PLAC1: variants seen among roughly 807,000 people sequenced by gnomAD.
The protein encoded by PLAC1 is placenta associated 1.
For missense variants in PLAC1, 136 were observed against 163.2 expected, an observed-to-expected ratio of 0.83 and a Z score of 0.91; for synonymous variants, 68 against 62.1, an observed-to-expected ratio of 1.09 and a Z score of -0.44.
At chrX:134,660,551 A>G (rs1011277101), upstream of PLAC1, among the ~76,000 whole-genome samples, 3 of 112,513 alleles carry the variant, frequency 2.7e-5, no homozygotes, top group Non-Finnish European at 5.6e-5. Context: ...CAAACTAAAC[A>G]CAGTTGATGA....
chrX:134,657,244 A>G (rs1184345334), intron 1 of PLAC1, among the ~76,000 whole-genome samples: 2 of 112,521 alleles, frequency 1.8e-5, no homozygotes, highest in Non-Finnish European at 3.7e-5. Flanking sequence ...TGATGGGGCT[A>G]TGTCCCGATA....
chrX:134,630,509 C>T (rs1049779349), intron 1 of PLAC1, among the ~76,000 whole-genome samples: 2 of 111,664 alleles, frequency 1.8e-5, no homozygotes, highest in African/African-American at 6.5e-5. Context: ...GCTACTAGCC[C>T]TGCCAACACA....
intron 1 of PLAC1, among the ~76,000 whole-genome samples, chrX:134,657,784 A>C (rs1461662401): frequency 1.8e-5 from 2 of 110,867 alleles, no homozygotes; most frequent in Non-Finnish European, 3.8e-5. Context: ...TCTCTTTCTC[A>C]AAGAGTCTGA....
chrX:134,738,716 A>G (rs1185773637), intron 1 of PLAC1, among the ~76,000 whole-genome samples: 1 of 112,419 alleles, frequency 8.9e-6, no homozygotes, highest in Admixed American at 9.4e-5. Context: ...GGGCTCCACA[A>G]GTTATCTTCC....
chrX:134,633,052 C>A (rs774911816), intron 1 of PLAC1, among the ~76,000 whole-genome samples: 124 of 112,082 alleles, frequency 1.1e-3, no homozygotes, highest in African/African-American at 3.9e-3. Flanking sequence ...TTTGCTCTTG[C>A]CCCATGCTCT....
chrX:134,672,930 A>G (rs758542646), intron 2 of PLAC1, among the ~76,000 whole-genome samples: 1 of 112,521 alleles, frequency 8.9e-6, no homozygotes, highest in Non-Finnish European at 1.9e-5. Context: ...GGCAAACTCA[A>G]GACTTACTGA....
chrX:134,651,044 C>A, intron 1 of PLAC1: 1 of 258,694 alleles, frequency 3.9e-6, no homozygotes, highest in Non-Finnish European at 8.0e-6. Context: ...TGAAATCTTC[C>A]CAGAAAATCC....
At chrX:134,640,015 G>A (rs1207374022) in intron 1 of PLAC1, among the ~76,000 whole-genome samples, 1 of 111,715 alleles carries the variant, frequency 9.0e-6, no homozygotes, top group Non-Finnish European at 1.9e-5. Context: ...TTTGGCTATT[G>A]TGAGTAGTGC....
chrX:134,592,510 T>C (rs1307176899), intron 2 of PLAC1, among the ~76,000 whole-genome samples: 1 of 110,627 alleles, frequency 9.0e-6, no homozygotes, highest in Non-Finnish European at 1.9e-5. Flanking sequence ...ATCCAATCAG[T>C]TGAAGGCCTT....
At chrX:134,660,916 T>C (rs757730182), upstream of PLAC1, among the ~76,000 whole-genome samples, 1 of 111,711 alleles carries the variant, frequency 9.0e-6, no homozygotes, top group Admixed American at 9.5e-5. Flanking sequence ...AAGTTGTTTA[T>C]ATAAACCAAT....
In PLAC1 at chrX:134,645,798, G is replaced by A. The variant is rs531563185; in HGVS notation, c.-131+12530C>T. 2.1e-4 allele frequency among the ~76,000 whole-genome samples: 24 copies of A among 112,001 alleles called. 1 individual carries two copies. Among genetic ancestry groups the A allele is most frequent in the African/African-American group, 5.2e-4 (16 of 30,832 alleles). ...ATAATGCAAGCCTTCCCATTCAAGC[G>A]TGAGTTTTTAGGCCCAGGAAGGGAA... is the stretch of plus-strand genomic sequence containing the variant. On this transcript the variant is annotated intron_variant, in intron 1 of 2. Coordinates refer to ENST00000359237, the MANE Select transcript of PLAC1 (RefSeq NM_021796.4).
rs755131508 is a variant in PLAC1, at chrX:134,657,494, C to T, written c.-131+834G>A. Among the ~76,000 whole-genome samples, 113 of 112,295 alleles carry T rather than the reference C, an allele frequency of 1.0e-3. 4 individuals carry two copies. The highest frequency in any genetic ancestry group is 2.6e-4 in the Non-Finnish European group (14 of 53,305). On this transcript the variant is annotated intron_variant, in intron 1 of 2. Transcript: ENST00000359237. ...ACTTGAACCCAAGTTTGTTTAAATA[C>T]AGAGCCCATATTTGTTCCCTGCTGC... is the stretch of plus-strand genomic sequence containing the variant.
At chrX:134,720,059 AT>A (rs1345801107) in intron 2 of PLAC1, among the ~76,000 whole-genome samples, 2 of 107,585 alleles carry the variant, frequency 1.9e-5, no homozygotes, top group African/African-American at 6.5e-5. Context: ...GAAGTAAAAA[AT>A]ATCTCTATTT....
At chrX:134,709,420 G>A (rs1440983657) in intron 2 of PLAC1, among the ~76,000 whole-genome samples, 3 of 111,746 alleles carry the variant, frequency 2.7e-5, no homozygotes, top group East Asian at 5.6e-4. Flanking sequence ...GAGGTCAAGA[G>A]TTTGAGACCA....
upstream of PLAC1, chrX:134,658,486 G>A (rs1341473283): frequency 2.7e-5 from 3 of 112,442 alleles, no homozygotes; most frequent in African/African-American, 6.5e-5. Flanking sequence ...TGATATATGT[G>A]TGTGTCTTTA....
upstream of PLAC1, among the ~76,000 whole-genome samples, chrX:134,663,455 C>T (rs1278729023): frequency 2.0e-4 from 23 of 112,813 alleles, no homozygotes; most frequent in African/African-American, 5.8e-4. Context: ...TGTGCGCGCA[C>T]GCGCGTGCAC....
chrX:134,615,401 C>G (rs1181858468), intron 1 of PLAC1, among the ~76,000 whole-genome samples: 3 of 112,125 alleles, frequency 2.7e-5, no homozygotes, highest in Non-Finnish European at 3.8e-5. Context: ...TATTCAGATC[C>G]TTTGCCCATT....
chrX:134,642,371 G>A (rs1371438412), intron 1 of PLAC1, among the ~76,000 whole-genome samples: 2 of 111,801 alleles, frequency 1.8e-5, no homozygotes, highest in African/African-American at 6.5e-5. Context: ...CTTATGGGTG[G>A]GTTGCTACCT....
At position 134,566,297 on chromosome X, in the gene PLAC1, G is replaced by C. The variant is rs745537968; in HGVS notation, c.386C>G (p.Ser129Cys). The C allele has an allele frequency of 6.4e-5, 77 of 1,210,269 alleles. No homozygotes were observed. Among genetic ancestry groups the C allele is most frequent in the South Asian group, 8.8e-5 (5 of 56,845 alleles). ...QKSPWLTKPC[S>C]MRVASKSRAT... is the part of the protein sequence containing the mutation. The stretch of plus-strand genomic sequence containing the variant: ...CCTGCTCTTGCTGGCTACTCTCATG[G>C]AGCAGGGCTTGGTGAGCCATGGGGA... The change falls in exon 3 of 3, where the codon TCC becomes TGC. Residue 129 changes from serine to cysteine, a missense_variant. Ser to Cys is a moderately radical substitution (Grantham distance 112, BLOSUM62 -1). Coordinates refer to ENST00000359237, the MANE Select transcript of PLAC1 (RefSeq NM_021796.4).
Sources: gnomAD v4.1 joint callset for allele counts (sites outside exome capture counted in the v4.1 genomes callset) on GRCh38, gnomAD v4.1.1 for gene constraint, MANE v1.5 for transcripts, NCBI Gene and HGNC (gene_info 2026-07-23, HGNC 2026-07-21) for gene names.